Variants in PEX5L observed in about 807,000 individuals in gnomAD.
The protein encoded by PEX5L is PEX5-related protein.
In PEX5L, 30 loss-of-function variants were observed where a neutral mutation model predicts 84.0. The ratio of observed to expected loss-of-function variants is 0.36; its 90% CI spans 0.27 to 0.48. The LOEUF (loss-of-function observed/expected upper bound fraction) is 0.48, where lower values mean the gene tolerates loss of function less well. Ranked by LOEUF, PEX5L falls within the 20% of genes least tolerant of loss-of-function variation. The pLI is 0.99. For synonymous variants in PEX5L, 270 were observed against 283.1 expected (o/e 0.95, Z 0.46); for missense variants, 533 against 754.6 (o/e 0.71, Z 3.44).
In PEX5L at chr3:179,875,400, C is replaced by T. The variant is rs998334358; in HGVS notation, c.583G>A (p.Glu195Lys). Reference sequence around the variant, plus strand: ...GTTCTAGATGAGGATGATTTTCTCTCTGCCATTGGATGTCCCTTGGTATTT... The same window carrying T: ...GTTCTAGATGAGGATGATTTTCTCTTTGCCATTGGATGTCCCTTGGTATTT... ...DRNTKGHPMA[E>K]RKSSSSRTGS... Residue 195 changes from glutamate (E) to lysine (K), a missense_variant, in exon 6 of 15, where the codon GAG (glutamate) becomes AAG (lysine). Glu to Lys is a moderately conservative substitution (Grantham distance 56). This residue lies in a region of PEX5L where 259 missense variants were observed against 301.7 expected (regional missense o/e 0.86). Coordinates refer to ENST00000467460, the MANE Select transcript of PEX5L (RefSeq NM_016559.3). 1 of 1,613,596 alleles carries T rather than the reference C, an allele frequency of 6.2e-7. No homozygotes were observed. The highest frequency in any genetic ancestry group is 8.5e-7 in the Non-Finnish European group (1 of 1,179,544).
chr3:179,841,590 T>C (rs976686554), intron 8 of PEX5L, among the ~76,000 whole-genome samples: 1 of 152,256 alleles, frequency 6.6e-6, no homozygotes, highest in African/African-American at 2.4e-5. Context: ...ACATAGGGTC[T>C]GATAGACAAT....
intron 2 of PEX5L, among the ~76,000 whole-genome samples, chr3:179,953,909 T>G (rs1779778017): frequency 6.6e-6 from 1 of 152,164 alleles, no homozygotes; most frequent in African/African-American, 2.4e-5. Flanking sequence ...AAGAAAATGC[T>G]TAGCAACTAA....
chr3:180,020,675 T>C (rs1790348751), intron 1 of PEX5L, among the ~76,000 whole-genome samples: 1 of 152,180 alleles, frequency 6.6e-6, no homozygotes, highest in Admixed American at 6.5e-5. Context: ...TTCTTTCTTT[T>C]GTTCTTCACA....
chr3:179,954,338 A>G (rs1056680707), intron 2 of PEX5L, among the ~76,000 whole-genome samples: 2 of 152,008 alleles, frequency 1.3e-5, no homozygotes, highest in African/African-American at 4.8e-5. Context: ...TAAAATACAG[A>G]CATATTTGTG....
intron 1 of PEX5L, among the ~76,000 whole-genome samples, chr3:180,024,796 G>A (rs1166683930): frequency 5.3e-5 from 8 of 152,068 alleles, no homozygotes; most frequent in South Asian, 2.1e-4. Flanking sequence ...GACAGCCTCC[G>A]ACAGCAGTTC....
intron 3 of PEX5L, among the ~76,000 whole-genome samples, chr3:179,892,814 G>T (rs1478826583): frequency 6.6e-6 from 1 of 151,714 alleles, no homozygotes; most frequent in Non-Finnish European, 1.5e-5. Context: ...AATGCCTAAT[G>T]AAAAAAAATT....
chr3:180,023,357 T>A (rs1463254397), intron 1 of PEX5L, among the ~76,000 whole-genome samples: 1 of 152,172 alleles, frequency 6.6e-6, no homozygotes, highest in African/African-American at 2.4e-5. Context: ...ATCTGCTATA[T>A]CAGGGATAGC....
intron 1 of PEX5L, among the ~76,000 whole-genome samples, chr3:180,011,741 C>T (rs1006286392): frequency 1.3e-5 from 2 of 152,136 alleles, no homozygotes; most frequent in Non-Finnish European, 2.9e-5. Context: ...GTGAGCTATC[C>T]CTCACTCCCT....
At chr3:179,996,906 A>C (rs929132945) in intron 1 of PEX5L, among the ~76,000 whole-genome samples, 1 of 152,176 alleles carries the variant, frequency 6.6e-6, no homozygotes, top group African/African-American at 2.4e-5. Context: ...GTGTTCCTAG[A>C]AGTGAAATTG....
intron 1 of PEX5L, among the ~76,000 whole-genome samples, chr3:179,996,005 C>T (rs1787857537): frequency 6.6e-6 from 1 of 152,194 alleles, no homozygotes; most frequent in African/African-American, 2.4e-5. Flanking sequence ...CATCCCCTTT[C>T]CAACCCACAC....
At chr3:180,030,352 G>A (rs1791339890) in intron 1 of PEX5L, among the ~76,000 whole-genome samples, 1 of 152,118 alleles carries the variant, frequency 6.6e-6, no homozygotes, top group African/African-American at 2.4e-5. Flanking sequence ...AGGGCATCTT[G>A]CCAAACTGGG....
intron 2 of PEX5L, among the ~76,000 whole-genome samples, chr3:179,923,601 G>A (rs374433331): frequency 3.9e-5 from 6 of 152,170 alleles, no homozygotes; most frequent in Admixed American, 1.3e-4. Context: ...GCATGCTAAC[G>A]TTTGAAAATC....
chr3:179,864,930 C>T (rs957977080), intron 7 of PEX5L, among the ~76,000 whole-genome samples: 2 of 152,130 alleles, frequency 1.3e-5, no homozygotes, highest in South Asian at 2.1e-4. Context: ...TCCCAGGGCA[C>T]GTCCTTTTCT....
At chr3:179,838,599 G>A (rs1415034240) in intron 8 of PEX5L, among the ~76,000 whole-genome samples, 2 of 152,124 alleles carry the variant, frequency 1.3e-5, no homozygotes, top group East Asian at 3.8e-4. Flanking sequence ...CACTATCCTT[G>A]TTGCTGCAAG....
intron 7 of PEX5L, among the ~76,000 whole-genome samples, chr3:179,863,953 T>C (rs905174537): frequency 1.3e-5 from 2 of 152,094 alleles, no homozygotes; most frequent in African/African-American, 2.4e-5. Context: ...GCTGCTCTTA[T>C]GATAGTGAAT....
intron 7 of PEX5L, among the ~76,000 whole-genome samples, chr3:179,869,607 CTTT>C (rs1749577271): frequency 6.6e-6 from 1 of 152,174 alleles, no homozygotes; most frequent in African/African-American, 2.4e-5. Context: ...TGTCTCTGAC[CTTT>C]TCCCATTCCC....
At chr3:179,951,051 G>A (rs1435278150) in intron 2 of PEX5L, among the ~76,000 whole-genome samples, 1 of 152,214 alleles carries the variant, frequency 6.6e-6, no homozygotes, top group East Asian at 1.9e-4. Context: ...TCAGGGAAAT[G>A]CTGAAGGCTA....
chr3:179,848,714 A>G (rs1236442096), intron 8 of PEX5L, among the ~76,000 whole-genome samples: 1 of 152,190 alleles, frequency 6.6e-6, no homozygotes, highest in East Asian at 1.9e-4. Flanking sequence ...CTGTGGCAGA[A>G]ACTACTCATT....
rs538312267 is a variant in PEX5L at position 179,973,356 on chromosome 3, T to C, written c.22-1691A>G. 8.6e-4 allele frequency: 1,008 copies of C among 1,176,364 alleles called. 1 individual carries two copies. Among genetic ancestry groups the C allele is most frequent in the Admixed American group, 1.2e-3 (36 of 29,352 alleles). The allele number at this position is 1,176,364 out of a possible 1,614,324, so 72.9% of individuals were successfully genotyped here. A position where few individuals can be genotyped will look rare whatever the true frequency, so the allele number is the denominator to read the frequency against. On this transcript the variant is annotated intron_variant, in intron 1 of 14. Coordinates refer to ENST00000467460, the MANE Select transcript of PEX5L (RefSeq NM_016559.3). ...CAGCATTAATAATGTACAACAATAA[T>C]TGAAGTATTCCTGAATCATTGTCTT...
Sources: allele counts gnomAD v4.1 joint callset (sites outside exome capture counted in the v4.1 genomes callset), GRCh38; gene constraint gnomAD v4.1.1; regional missense constraint gnomAD v4.1.1; transcripts MANE v1.5; gene names NCBI Gene and HGNC (gene_info 2026-07-23, HGNC 2026-07-21).